NEGR1: variants seen among roughly 807,000 people sequenced by gnomAD.
The protein encoded by NEGR1 is IgLON family member 4.
Under a neutral mutation model 40.9 loss-of-function variants are expected in NEGR1, and 10 were observed. The observed-to-expected ratio is 0.24, with a 90% CI of 0.15 to 0.42. NEGR1 has a LOEUF of 0.42. Ranked by LOEUF, NEGR1 falls within the 10% of genes least tolerant of loss-of-function variation. The probability of loss-of-function intolerance (pLI) is 1.00; values close to 1 mark genes in which losing one functional copy is unlikely to be tolerated. For missense variants in NEGR1, 352 were observed against 438.9 expected (o/e 0.80, Z 1.77); for synonymous variants, 185 against 166.8 (o/e 1.11, Z -0.84).
chr1:71,828,430 A>G (rs1658719999), intron 2 of NEGR1, among the ~76,000 whole-genome samples: 1 of 151,982 alleles, frequency 6.6e-6, no homozygotes, highest in Non-Finnish European at 1.5e-5. Flanking sequence ...GGTTCCTGGG[A>G]GCAAGTCAGA....
intron 2 of NEGR1, among the ~76,000 whole-genome samples, chr1:71,822,436 C>A (rs1354486567): frequency 1.3e-5 from 2 of 151,972 alleles, no homozygotes; most frequent in African/African-American, 2.4e-5. Context: ...AGTGCTGGAA[C>A]AATCAGCACA....
intron 1 of NEGR1, among the ~76,000 whole-genome samples, chr1:72,254,406 A>G (rs1462207092): frequency 2.0e-5 from 3 of 152,178 alleles, no homozygotes; most frequent in African/African-American, 7.2e-5. Flanking sequence ...GTACACATTA[A>G]GAAAAAGCAT....
intron 1 of NEGR1, among the ~76,000 whole-genome samples, chr1:71,942,222 T>A (rs1570534407): frequency 6.6e-6 from 1 of 150,762 alleles, no homozygotes; most frequent in Non-Finnish European, 1.5e-5. Flanking sequence ...TTGAAAACTA[T>A]CAGCCACTAT....
At chr1:72,082,362 A>T (rs1648038391) in intron 1 of NEGR1, among the ~76,000 whole-genome samples, 1 of 152,126 alleles carries the variant, frequency 6.6e-6, no homozygotes, top group Non-Finnish European at 1.5e-5. Context: ...AAAGAATAAT[A>T]ATGTTATTTT....
rs1221520532 is a variant in NEGR1 at position 71,396,159 on chromosome 1, T to C, written c.*11287A>G. The stretch of plus-strand genomic sequence containing the variant: ...CTTTCCCTTCCTCTTTCTCTTCTTT[T>C]ACCCTCTGTTTCTTTTCTTCTTCCT... On this transcript the variant is annotated 3_prime_UTR_variant, in exon 7 of 7. Transcript: ENST00000357731. 2 of 152,222 alleles carry C rather than the reference T, an allele frequency of 1.3e-5. No homozygotes were observed. Among genetic ancestry groups the C allele is most frequent in the Non-Finnish European group, 2.9e-5 (2 of 68,040 alleles). The allele number at this position is 152,222 out of a possible 1,614,324, so 9.4% of individuals were successfully genotyped here.
At chr1:71,487,610 G>T (rs183229043) in intron 6 of NEGR1, among the ~76,000 whole-genome samples, 78 of 151,826 alleles carry the variant, frequency 5.1e-4, no homozygotes, top group African/African-American at 1.8e-3. Context: ...GTCTGCTCAG[G>T]ATGGTTCAAA....
intron 1 of NEGR1, among the ~76,000 whole-genome samples, chr1:72,281,991 G>A (rs1570223148): frequency 6.6e-6 from 1 of 152,102 alleles, no homozygotes; most frequent in African/African-American, 2.4e-5. Flanking sequence ...CTCTCCAGGA[G>A]TACCCCATGA....
chr1:72,138,618 G>A (rs559015325), intron 1 of NEGR1, among the ~76,000 whole-genome samples: 1 of 152,020 alleles, frequency 6.6e-6, no homozygotes, highest in East Asian at 1.9e-4. Context: ...AAGAAAAACT[G>A]AGATAAAAAA....
chr1:71,417,571 T>C (rs1646364526), intron 6 of NEGR1, among the ~76,000 whole-genome samples: 1 of 152,186 alleles, frequency 6.6e-6, no homozygotes, highest in Non-Finnish European at 1.5e-5. Flanking sequence ...AACTGTTAAA[T>C]AACTGCTCTT....
At chr1:71,818,339 G>A (rs1570389752) in intron 2 of NEGR1, among the ~76,000 whole-genome samples, 1 of 151,932 alleles carries the variant, frequency 6.6e-6, no homozygotes, top group South Asian at 2.1e-4. Flanking sequence ...ATACACCATG[G>A]AATACTATGC....
intron 3 of NEGR1, among the ~76,000 whole-genome samples, chr1:71,709,244 G>T (rs1654001370): frequency 6.6e-6 from 1 of 152,112 alleles, no homozygotes; most frequent in African/African-American, 2.4e-5. Context: ...GCAATTCAGA[G>T]AATTCTCTGC....
chr1:71,556,485 A>C (rs2101474905), intron 6 of NEGR1, among the ~76,000 whole-genome samples: 1 of 151,758 alleles, frequency 6.6e-6, no homozygotes, highest in East Asian at 1.9e-4. Flanking sequence ...CAATTTTAGA[A>C]GCGTTTGCTA....
chr1:71,885,175 G>A (rs1241390243), intron 2 of NEGR1, among the ~76,000 whole-genome samples: 1 of 152,166 alleles, frequency 6.6e-6, no homozygotes, highest in East Asian at 1.9e-4. Flanking sequence ...GCCCTCAAAT[G>A]GTCTGTGGCA....
intron 4 of NEGR1, among the ~76,000 whole-genome samples, chr1:71,662,419 CT>C (rs1308190481): frequency 6.6e-6 from 1 of 152,104 alleles, no homozygotes; most frequent in African/African-American, 2.4e-5. Flanking sequence ...AGAATAGCTC[CT>C]CCCTTTGTTG....
chr1:71,677,849 GAAGA>G (rs995849723), intron 4 of NEGR1, among the ~76,000 whole-genome samples: 2 of 152,134 alleles, frequency 1.3e-5, no homozygotes, highest in Non-Finnish European at 2.9e-5. Context: ...CTCGAGTTGT[GAAGA>G]AAGAATCAAG....
chr1:71,703,893 G>A (rs894897542), intron 3 of NEGR1, among the ~76,000 whole-genome samples: 2 of 151,938 alleles, frequency 1.3e-5, no homozygotes, highest in East Asian at 3.9e-4. Context: ...AGAAATAAAG[G>A]TTGAATGGTT....
At chr1:72,117,577 C>T (rs1260390082) in intron 1 of NEGR1, among the ~76,000 whole-genome samples, 2 of 151,778 alleles carry the variant, frequency 1.3e-5, no homozygotes, top group Admixed American at 6.6e-5. Flanking sequence ...GACAAATATG[C>T]TACAGTAATA....
chr1:72,218,307 C>A (rs1045683697), intron 1 of NEGR1, among the ~76,000 whole-genome samples: 2 of 151,602 alleles, frequency 1.3e-5, no homozygotes, highest in African/African-American at 4.8e-5. Context: ...TAAGTTCCAA[C>A]GAGGATTTTA....
At chr1:71,609,756 G>C (rs1418622257) in intron 5 of NEGR1, among the ~76,000 whole-genome samples, 1 of 151,956 alleles carries the variant, frequency 6.6e-6, no homozygotes, top group Non-Finnish European at 1.5e-5. Flanking sequence ...GCTGCAATTG[G>C]TTATGAGCCA....
Sources: allele counts gnomAD v4.1 joint callset (sites outside exome capture counted in the v4.1 genomes callset), GRCh38; gene constraint gnomAD v4.1.1; transcripts MANE v1.5; gene names NCBI Gene and HGNC (gene_info 2026-07-23, HGNC 2026-07-21).